Variants in KCNQ3 observed in about 807,000 individuals in gnomAD.
The protein encoded by KCNQ3 is potassium voltage-gated channel subfamily KQT member 3.
KCNQ3 carries 30 observed loss-of-function variants against 92.5 expected under a neutral mutation model. That is an observed-to-expected ratio of 0.32 (90% CI 0.24 to 0.44). The LOEUF (loss-of-function observed/expected upper bound fraction) is 0.44. KCNQ3 is among the 20% of genes least tolerant of loss of function. The pLI, the probability that KCNQ3 is intolerant of heterozygous loss-of-function variation, is 1.00. For synonymous variants in KCNQ3, 450 were observed against 468.8 expected (o/e 0.96, Z 0.52); for missense variants, 913 against 1,140.3 (o/e 0.80, Z 2.87).
chr8:132,234,338 GTTTTTTTTTTTTT>G (rs756218792), intron 1 of KCNQ3, among the ~76,000 whole-genome samples: 24 of 85,666 alleles, frequency 2.8e-4, no homozygotes, highest in Middle Eastern at 7.6e-3. Context: ...TCCATGAAAA[GTTTTTTTTTTTTT>G]TTTTTTTTTT....
chr8:132,379,887 C>CTT (rs199901844), intron 1 of KCNQ3, among the ~76,000 whole-genome samples: 32 of 133,306 alleles, frequency 2.4e-4, no homozygotes, highest in Middle Eastern at 4.0e-3. Flanking sequence ...ATCTTGGCAT[C>CTT]TTTTTTTTTT....
chr8:132,166,522 T>C (rs951207246), intron 8 of KCNQ3, among the ~76,000 whole-genome samples: 2 of 152,188 alleles, frequency 1.3e-5, no homozygotes, highest in African/African-American at 4.8e-5. Context: ...GACCTGGGTT[T>C]GCCCTCAGTT....
intron 1 of KCNQ3, among the ~76,000 whole-genome samples, chr8:132,309,288 C>A (rs1342145510): frequency 6.6e-6 from 1 of 152,170 alleles, no homozygotes; most frequent in African/African-American, 2.4e-5. Flanking sequence ...CTGATTAGTT[C>A]TGTCCCTCTA....
At chr8:132,458,846 C>T (rs556637689) in intron 1 of KCNQ3, among the ~76,000 whole-genome samples, 2 of 152,372 alleles carry the variant, frequency 1.3e-5, no homozygotes, top group African/African-American at 4.8e-5. Flanking sequence ...TAACATCTTA[C>T]ATTAGTATGA....
intron 1 of KCNQ3, among the ~76,000 whole-genome samples, chr8:132,283,874 A>AG (rs376985992): frequency 6.6e-6 from 1 of 152,374 alleles, no homozygotes; most frequent in East Asian, 1.9e-4. Context: ...TAGCAAGATC[A>AG]GGATTGGAAC....
At chr8:132,186,219 A>G in intron 1 of KCNQ3, 38 bp from the exon 2 acceptor site, 1 of 1,476,060 alleles carries the variant, frequency 6.8e-7, no homozygotes, top group Non-Finnish European at 9.5e-7. Context: ...GGAACCTTTG[A>G]GTCATGGCTT....
At chr8:132,390,574 A>T (rs1245024744) in intron 1 of KCNQ3, among the ~76,000 whole-genome samples, 1 of 152,206 alleles carries the variant, frequency 6.6e-6, no homozygotes, top group Non-Finnish European at 1.5e-5. Flanking sequence ...AACATTCCCA[A>T]GGAGATTCTC....
At chr8:132,416,434 C>T (rs1296784710) in intron 1 of KCNQ3, among the ~76,000 whole-genome samples, 9 of 152,084 alleles carry the variant, frequency 5.9e-5, no homozygotes, top group Admixed American at 5.9e-4. Flanking sequence ...TTGAGACCAG[C>T]TTGGCCAACA....
intron 1 of KCNQ3, among the ~76,000 whole-genome samples, chr8:132,443,595 C>G (rs1435399418): frequency 6.6e-6 from 1 of 152,084 alleles, no homozygotes; most frequent in African/African-American, 2.4e-5. Flanking sequence ...CCAAACACAC[C>G]CCTCCCCAGC....
At chr8:132,414,646 A>G (rs1290813308) in intron 1 of KCNQ3, among the ~76,000 whole-genome samples, 5 of 152,196 alleles carry the variant, frequency 3.3e-5, no homozygotes, top group African/African-American at 4.8e-5. Flanking sequence ...TGATACAATT[A>G]TCCATCTTCA....
intron 1 of KCNQ3, among the ~76,000 whole-genome samples, chr8:132,466,055 T>C (rs1157249596): frequency 1.3e-5 from 2 of 152,160 alleles, no homozygotes; most frequent in African/African-American, 4.8e-5. Flanking sequence ...CAAAGGATAA[T>C]GCAGGCAGTG....
chr8:132,452,490 T>C (rs2721908), intron 1 of KCNQ3, among the ~76,000 whole-genome samples: 141,435 of 152,278 alleles, frequency 0.93, 65,701 homozygotes, highest in East Asian at 0.94. Context: ...TGGAACCTTC[T>C]GGCAAAGATG....
chr8:132,333,063 G>A (rs1818273676), intron 1 of KCNQ3, among the ~76,000 whole-genome samples: 1 of 152,040 alleles, frequency 6.6e-6, no homozygotes, highest in South Asian at 2.1e-4. Context: ...ATGGATGGAA[G>A]ATGAACAAAG....
chr8:132,283,197 G>A (rs1456677103), intron 1 of KCNQ3, among the ~76,000 whole-genome samples: 2 of 151,960 alleles, frequency 1.3e-5, no homozygotes, highest in South Asian at 2.1e-4. Flanking sequence ...GGACTTTCCT[G>A]AGCCGCCATT....
At chr8:132,455,465 A>G (rs1398309974) in intron 1 of KCNQ3, among the ~76,000 whole-genome samples, 1 of 151,836 alleles carries the variant, frequency 6.6e-6, no homozygotes, top group Non-Finnish European at 1.5e-5. Context: ...AAATATTGAT[A>G]TGGACATAAG....
intron 1 of KCNQ3, among the ~76,000 whole-genome samples, chr8:132,390,740 T>C (rs1261107288): frequency 6.6e-6 from 1 of 152,180 alleles, no homozygotes; most frequent in Non-Finnish European, 1.5e-5. Flanking sequence ...GTTCTAAGAA[T>C]TGCAAGTGCC....
At chr8:132,292,282 C>G (rs1816881323) in intron 1 of KCNQ3, among the ~76,000 whole-genome samples, 2 of 152,144 alleles carry the variant, frequency 1.3e-5, no homozygotes, top group South Asian at 4.1e-4. Flanking sequence ...TGAATGTTTA[C>G]CTATGCATCA....
At chr8:132,289,085 T>C (rs1159574153) in intron 1 of KCNQ3, among the ~76,000 whole-genome samples, 1 of 152,142 alleles carries the variant, frequency 6.6e-6, no homozygotes, top group Non-Finnish European at 1.5e-5. Flanking sequence ...TGCAAAGACA[T>C]TGAATATAAG....
intron 1 of KCNQ3, among the ~76,000 whole-genome samples, chr8:132,396,282 A>T (rs1161320538): frequency 6.6e-6 from 1 of 152,090 alleles, no homozygotes; most frequent in East Asian, 1.9e-4. Flanking sequence ...TCAATTCTCT[A>T]ACCACTACGT....
Sources: allele counts gnomAD v4.1 joint callset (sites outside exome capture counted in the v4.1 genomes callset), GRCh38; gene constraint gnomAD v4.1.1; transcripts MANE v1.5; gene names NCBI Gene and HGNC (gene_info 2026-07-23, HGNC 2026-07-21).